Variants in CSMD1 observed in about 807,000 individuals in gnomAD.
The protein encoded by CSMD1 is CUB and sushi domain-containing protein 1.
Under a neutral mutation model 417.5 loss-of-function variants are expected in CSMD1, and 213 were observed. The ratio of observed to expected loss-of-function variants is 0.51; its 90% CI spans 0.46 to 0.57. CSMD1 has a LOEUF of 0.57. Ranked by LOEUF, CSMD1 falls within the 20% of genes least tolerant of loss-of-function variation. The pLI, the probability that CSMD1 is intolerant of heterozygous loss-of-function variation, is 0.00. For synonymous variants in CSMD1, 2,862 were observed against 1,736.8 expected (o/e 1.65, Z -16.11); for missense variants, 6,923 against 4,529.7 (o/e 1.53, Z -15.17).
chr8:3,860,220 C>A (rs778359034), intron 5 of CSMD1, among the ~76,000 whole-genome samples: 3 of 152,126 alleles, frequency 2.0e-5, no homozygotes, highest in Non-Finnish European at 4.4e-5. Context: ...AGCACCAGGT[C>A]GTGTTCTCCA....
At chr8:3,890,524 G>T (rs1421674984) in intron 5 of CSMD1, among the ~76,000 whole-genome samples, 1 of 151,758 alleles carries the variant, frequency 6.6e-6, no homozygotes, top group Non-Finnish European at 1.5e-5. Context: ...GACTCGGTGG[G>T]GAACAAAATA....
chr8:3,515,795 C>G (rs1797258731), intron 10 of CSMD1, among the ~76,000 whole-genome samples: 1 of 152,196 alleles, frequency 6.6e-6, no homozygotes, highest in South Asian at 2.1e-4. Context: ...TAGGAAGTGT[C>G]AGTCATGACA....
chr8:4,787,810 C>G, intron 1 of CSMD1: 2 of 1,573,856 alleles, frequency 1.3e-6, no homozygotes, highest in Non-Finnish European at 1.7e-6. Flanking sequence ...TATCATGAGT[C>G]ATGCTACACA....
chr8:3,818,536 C>G (rs77647407), intron 5 of CSMD1, among the ~76,000 whole-genome samples: 2,288 of 152,114 alleles, frequency 0.015, 52 homozygotes, highest in East Asian at 0.04. Flanking sequence ...TAGGCTTACC[C>G]CAAGAAGACA....
chr8:3,637,730 G>C lies in CSMD1; in HGVS notation c.1010-20933C>G, dbSNP rs532763369. Among the ~76,000 whole-genome samples the C allele has an allele frequency of 1.6e-4, 24 of 152,256 alleles. No homozygotes were observed. The East Asian group carries it at 3.5e-3, about 22-fold the overall frequency. ...AGGTGTTAAGTAGGGATATGGTTTG[G>C]CTGTGTCCCCACCCAAATCTCATCT... On this transcript the variant is annotated intron_variant, in intron 7 of 69. Transcript: ENST00000635120.
chr8:4,411,176 G>A (rs984549734), intron 3 of CSMD1, among the ~76,000 whole-genome samples: 7 of 151,998 alleles, frequency 4.6e-5, no homozygotes, highest in Non-Finnish European at 7.4e-5. Flanking sequence ...CCAGTCTCAG[G>A]TAACACAGCA....
At chr8:4,203,778 A>G (rs1000571506) in intron 3 of CSMD1, among the ~76,000 whole-genome samples, 1 of 152,154 alleles carries the variant, frequency 6.6e-6, no homozygotes, top group Admixed American at 6.5e-5. Flanking sequence ...ATATGTACAT[A>G]TACATAAGCT....
chr8:3,605,342 A>T (rs7826633), intron 8 of CSMD1, among the ~76,000 whole-genome samples: 1 of 151,990 alleles, frequency 6.6e-6, no homozygotes, highest in Non-Finnish European at 1.5e-5. Flanking sequence ...GTTTCTACAC[A>T]GTCCATAAGT....
chr8:3,671,113 G>C (rs1002808807), intron 7 of CSMD1, among the ~76,000 whole-genome samples: 14 of 145,608 alleles, frequency 9.6e-5, no homozygotes, highest in African/African-American at 3.5e-4. Flanking sequence ...GGATATATAT[G>C]TATATGGGAT....
intron 26 of CSMD1, among the ~76,000 whole-genome samples, chr8:3,255,839 C>A (rs1279421354): frequency 2.0e-5 from 3 of 152,220 alleles, no homozygotes; most frequent in African/African-American, 4.8e-5. Context: ...CCTCATCCTG[C>A]TTTGGCTCAC....
intron 4 of CSMD1, among the ~76,000 whole-genome samples, chr8:4,020,402 G>C (rs893642288): frequency 6.6e-6 from 1 of 152,188 alleles, no homozygotes; most frequent in South Asian, 2.1e-4. Context: ...CACTGAGCAT[G>C]ACATCTGTTC....
intron 1 of CSMD1, among the ~76,000 whole-genome samples, chr8:4,718,158 G>A (rs974188583): frequency 6.6e-6 from 1 of 151,908 alleles, no homozygotes; most frequent in Non-Finnish European, 1.5e-5. Flanking sequence ...CATTATTTTT[G>A]TACAGACAGG....
chr8:4,212,501 G>T (rs1228883139), intron 3 of CSMD1, among the ~76,000 whole-genome samples: 3 of 151,868 alleles, frequency 2.0e-5, no homozygotes, highest in Non-Finnish European at 2.9e-5. Flanking sequence ...CGATCCTAAA[G>T]CTTATTTAGA....
chr8:4,164,973 T>G (rs1437427904), intron 3 of CSMD1, among the ~76,000 whole-genome samples: 1 of 152,106 alleles, frequency 6.6e-6, no homozygotes, highest in African/African-American at 2.4e-5. Context: ...CAGTAGGAAT[T>G]TTTATAATTA....
At chr8:3,301,756 T>G (rs945915712) in intron 25 of CSMD1, among the ~76,000 whole-genome samples, 4 of 152,146 alleles carry the variant, frequency 2.6e-5, no homozygotes, top group African/African-American at 7.2e-5. Flanking sequence ...AAGGAGCTGG[T>G]GCTTGTCAAC....
intron 7 of CSMD1, among the ~76,000 whole-genome samples, chr8:3,659,078 G>A (rs921402344): frequency 4.6e-5 from 7 of 152,202 alleles, no homozygotes; most frequent in South Asian, 2.1e-4. Context: ...TCTAATTTCC[G>A]AAATGGTAAT....
intron 2 of CSMD1, among the ~76,000 whole-genome samples, chr8:4,603,479 A>G (rs1800702702): frequency 6.6e-6 from 1 of 152,154 alleles, no homozygotes; most frequent in Admixed American, 6.5e-5. Flanking sequence ...AATGTTCCAT[A>G]AATAATAAAG....
intron 12 of CSMD1, among the ~76,000 whole-genome samples, chr8:3,459,049 G>A (rs751512540): frequency 1.3e-5 from 2 of 152,234 alleles, no homozygotes; most frequent in African/African-American, 4.8e-5. Flanking sequence ...CCGGAGAGAA[G>A]GGAAGCGGCA....
chr8:3,822,628 C>T lies in CSMD1; in HGVS notation c.819-68586G>A, dbSNP rs542379149. On this transcript the variant is annotated intron_variant, in intron 5 of 69. Transcript: ENST00000635120. Reference sequence around the variant, plus strand: ...CACCACCTTCTGTCACCCGCTACCTCTACTTGCTTTATTACATTCCGTCTT... The same window carrying T: ...CACCACCTTCTGTCACCCGCTACCTTTACTTGCTTTATTACATTCCGTCTT... 2.0e-5 allele frequency among the ~76,000 whole-genome samples: 3 copies of T among 152,292 alleles called. No individual in the cohort carries two copies. In the South Asian group the frequency reaches 6.2e-4, roughly 32 times the overall value.
Sources: gnomAD v4.1 joint callset for allele counts (sites outside exome capture counted in the v4.1 genomes callset) on GRCh38, gnomAD v4.1.1 for gene constraint, MANE v1.5 for transcripts, NCBI Gene and HGNC (gene_info 2026-07-23, HGNC 2026-07-21) for gene names.